The following GALNT10 variants were observed in gnomAD, a reference collection of about 807,000 sequenced individuals.
The protein encoded by GALNT10 is polypeptide N-acetylgalactosaminyltransferase 10, also known as GalNAc transferase 10.
Under a neutral mutation model 75.0 loss-of-function variants are expected in GALNT10, and 41 were observed. The ratio of observed to expected loss-of-function variants is 0.55; its 90% CI spans 0.43 to 0.71. The LOEUF (loss-of-function observed/expected upper bound fraction) is 0.71. GALNT10 is among the 30% of genes least tolerant of loss of function. The probability of loss-of-function intolerance (pLI) is 0.00; values close to 1 mark genes in which losing one functional copy is unlikely to be tolerated. For synonymous variants in GALNT10, 302 were observed against 313.0 expected (o/e 0.96, Z 0.37); for missense variants, 727 against 818.5 (o/e 0.89, Z 1.36).
Position 154,302,390 on chromosome 5 carries a change from G to A in GALNT10, c.401+4311G>A, listed in dbSNP as rs1041547201. On this transcript the variant is annotated intron_variant, in intron 3 of 11. Coordinates refer to ENST00000297107, the MANE Select transcript of GALNT10 (RefSeq NM_198321.4). ...CAGCCAGCTGGCTCTGAGTGGGCCT[G>A]CCCTCTGCACCTCCTGCCAAGTGAG... is the stretch of plus-strand genomic sequence containing the variant. Among the ~76,000 whole-genome samples, 47 of 152,338 alleles carry A rather than the reference G, an allele frequency of 3.1e-4. 1 individual carries two copies. The highest frequency in any genetic ancestry group is 2.7e-3 in the Admixed American group (41 of 15,308).
intron 1 of GALNT10, among the ~76,000 whole-genome samples, chr5:154,228,886 G>A (rs943371810): frequency 6.6e-6 from 1 of 152,170 alleles, no homozygotes; most frequent in Non-Finnish European, 1.5e-5. Flanking sequence ...TTTTCATTTG[G>A]TTTTTGGTTT....
rs567386004 is a variant in GALNT10 at position 154,409,285 on chromosome 5, G to A, written c.1165-256G>A. ...CAGAGGAAAATCAGTGGGGGCTATC[G>A]CTAGAAGAAGATGGGATGGAAGATG... On this transcript the variant is annotated intron_variant, in intron 8 of 11. Transcript: ENST00000297107. The surrounding 1 kb of genome is among the most constrained non-coding windows in gnomAD (Gnocchi z 4.5). 6.6e-6 allele frequency among the ~76,000 whole-genome samples: 1 copy of A among 152,308 alleles called. No homozygotes were observed. The highest frequency in any genetic ancestry group is 2.1e-4 in the South Asian group (1 of 4,826).
In GALNT10 at chr5:154,398,408, C is replaced by T. The variant is rs1050022223; in HGVS notation, c.1057-5696C>T. ...GATCCAGCTGCTGCCATCCCTGGAG[C>T]TCCCCTTCTCTTTGTCCCCAGCTGG... On this transcript the variant is annotated intron_variant, in intron 7 of 11. Transcript: ENST00000297107. Among the ~76,000 whole-genome samples, 4 of 152,230 alleles carry T rather than the reference C, an allele frequency of 2.6e-5. No homozygotes were observed. The South Asian group carries it at 8.3e-4, about 32-fold the overall frequency.
In GALNT10 at chr5:154,416,966, G is replaced by T; in HGVS notation, c.1806G>T (p.Arg602Ser). ...CAACAGTCTTGGAAAAATTCAATAGGAACTGAGCCCTCATGTCCCCTTGGC... is the reference window on the plus strand; with the variant it reads ...CAACAGTCTTGGAAAAATTCAATAGTAACTGAGCCCTCATGTCCCCTTGGC... ...TNSTVLEKFN[R>S]N Residue 602 changes from arginine to serine, a missense_variant, in exon 12 of 12, where the codon AGG (arginine) becomes AGT (serine). Physicochemically the swap from Arg to Ser is moderately radical, Grantham distance 110. Coordinates refer to ENST00000297107, the MANE Select transcript of GALNT10 (RefSeq NM_198321.4). The surrounding 1 kb of genome is among the most constrained non-coding windows in gnomAD (Gnocchi z 4.5). 1 of 1,614,124 alleles carries T rather than the reference G, an allele frequency of 6.2e-7. No homozygotes were observed.
chr5:154,258,576 G>A (rs1354925981), intron 1 of GALNT10, among the ~76,000 whole-genome samples: 2 of 152,142 alleles, frequency 1.3e-5, no homozygotes, highest in Non-Finnish European at 2.9e-5. Context: ...GTATCCACTG[G>A]CCTGGTCACT....
At chr5:154,372,977 G>A (rs1481362272) in intron 4 of GALNT10, among the ~76,000 whole-genome samples, 1 of 152,120 alleles carries the variant, frequency 6.6e-6, no homozygotes, top group African/African-American at 2.4e-5. Flanking sequence ...TTAAATTAGG[G>A]GTAATAAGGA....
intron 4 of GALNT10, among the ~76,000 whole-genome samples, chr5:154,354,166 T>C (rs895065676): frequency 2.0e-5 from 3 of 152,246 alleles, no homozygotes; most frequent in Non-Finnish European, 2.9e-5. Context: ...TGTTTGTGAA[T>C]GACTTACTTT....
intron 4 of GALNT10, among the ~76,000 whole-genome samples, chr5:154,332,133 A>G (rs1754875563): frequency 1.3e-5 from 2 of 152,120 alleles, no homozygotes; most frequent in African/African-American, 4.8e-5. Flanking sequence ...TGCCACCCAC[A>G]GGCCAAGGGC....
chr5:154,354,444 AG>A (rs1755258361), intron 4 of GALNT10, among the ~76,000 whole-genome samples: 1 of 152,220 alleles, frequency 6.6e-6, no homozygotes, highest in Admixed American at 6.5e-5. Context: ...GTAGCTCACC[AG>A]GGGGAACAGC....
At chr5:154,233,530 C>T (rs1753197512) in intron 1 of GALNT10, among the ~76,000 whole-genome samples, 1 of 152,064 alleles carries the variant, frequency 6.6e-6, no homozygotes, top group Non-Finnish European at 1.5e-5. Context: ...GAAAAGAGAC[C>T]AAGGTGAGGC....
At chr5:154,240,147 C>T (rs1485429492) in intron 1 of GALNT10, among the ~76,000 whole-genome samples, 2 of 152,196 alleles carry the variant, frequency 1.3e-5, no homozygotes, top group Non-Finnish European at 2.9e-5. Context: ...ACATCAGGCA[C>T]AGGACTAGGT....
At chr5:154,256,999 T>G (rs563849636) in intron 1 of GALNT10, among the ~76,000 whole-genome samples, 1 of 152,166 alleles carries the variant, frequency 6.6e-6, no homozygotes, top group East Asian at 1.9e-4. Context: ...GGCCAGGCAT[T>G]ACAGGTGGCT....
At chr5:154,379,110 G>A (rs1165730677) in intron 5 of GALNT10, among the ~76,000 whole-genome samples, 1 of 152,168 alleles carries the variant, frequency 6.6e-6, no homozygotes, top group African/African-American at 2.4e-5. Flanking sequence ...ACATGTGGGG[G>A]TATACTGCCA....
chr5:154,239,214 T>A (rs539481172), intron 1 of GALNT10, among the ~76,000 whole-genome samples: 1 of 152,324 alleles, frequency 6.6e-6, no homozygotes, highest in African/African-American at 2.4e-5. Context: ...TTATTTATAG[T>A]AGGGCTGGCT....
Position 154,270,991 on chromosome 5 carries a change from CAAAAAAAAAAA to C in GALNT10, c.160-23814_160-23804del, listed in dbSNP as rs5872366. 2.2e-4 allele frequency among the ~76,000 whole-genome samples: 17 copies of C among 76,122 alleles called. No individual in the cohort carries two copies. In the Admixed American group the frequency reaches 2.3e-3, roughly 10 times the overall value. The allele number at this position is 76,122 out of a possible 152,430, so 49.9% of individuals were successfully genotyped here. ...CCAGGGTGACAGCAAGATTCCATCT[CAAAAAAAAAAA>C]AAAAAAAAAAGGGATACCAAGTGGC... On this transcript the variant is annotated intron_variant, in intron 1 of 11. Coordinates refer to ENST00000297107, the MANE Select transcript of GALNT10 (RefSeq NM_198321.4).
At chr5:154,192,298 A>G (rs1431099631) in intron 1 of GALNT10, among the ~76,000 whole-genome samples, 1 of 152,262 alleles carries the variant, frequency 6.6e-6, no homozygotes, top group Non-Finnish European at 1.5e-5. Context: ...AAAGCATCCC[A>G]GAGGGTCTCA....
At chr5:154,393,070 A>C (rs1040812968) in intron 7 of GALNT10, 1 of 147,018 alleles carries the variant, frequency 6.8e-6, no homozygotes, top group Non-Finnish European at 1.5e-5. Context: ...AAAAAAAAAA[A>C]AAAAAAAACC....
At chr5:154,268,126 G>A (rs1050925701) in intron 1 of GALNT10, among the ~76,000 whole-genome samples, 1 of 152,178 alleles carries the variant, frequency 6.6e-6, no homozygotes, top group Non-Finnish European at 1.5e-5. Context: ...GCAGTTATTA[G>A]CAAGGTCAGA....
At chr5:154,282,323 C>A (rs1000330254) in intron 1 of GALNT10, among the ~76,000 whole-genome samples, 36 of 152,226 alleles carry the variant, frequency 2.4e-4, no homozygotes, top group Admixed American at 2.3e-3. Flanking sequence ...GTTTCCAACA[C>A]ACAAACTTTG....
Sources: gnomAD v4.1 joint callset for allele counts (sites outside exome capture counted in the v4.1 genomes callset) on GRCh38, gnomAD v4.1.1 for gene constraint, Gnocchi (gnomAD v3.1) non-coding constraint, MANE v1.5 for transcripts, NCBI Gene and HGNC (gene_info 2026-07-23, HGNC 2026-07-21) for gene names.